Variants in MUC4 observed in about 807,000 individuals in gnomAD.
MUC4 encodes the protein mucin-4.
A neutral mutation model predicts 257.9 loss-of-function variants in MUC4; 202 were observed. That is an observed-to-expected ratio of 0.78 (90% CI 0.70 to 0.88). The LOEUF is 0.88. Among genes scored for constraint, MUC4 ranks in the 40% least tolerant of loss-of-function variants. The pLI, the probability that MUC4 is intolerant of heterozygous loss-of-function variation, is 0.00. For missense variants in MUC4, 5,976 were observed against 6,513.7 expected, an observed-to-expected ratio of 0.92 and a Z score of 2.84; for synonymous variants, 2,351 against 2,757.1, an observed-to-expected ratio of 0.85 and a Z score of 4.62.
At chr3:195,775,519 ACCTTCCACACCCAT>A in intron 3 of MUC4, among the ~76,000 whole-genome samples, 1 of 133,184 alleles carries the variant, frequency 7.5e-6, no homozygotes, top group Admixed American at 7.2e-5. Context: ...CCACACCCAT[ACCTTCCACACCCAT>A]ACCTTCCACA....
At chr3:195,751,577 G>C (rs1156931921) in intron 21 of MUC4, 1 of 526,164 alleles carries the variant, frequency 1.9e-6, no homozygotes, top group Non-Finnish European at 3.4e-6. Flanking sequence ...CATGACTCAT[G>C]ACCTCCTCCC....
intron 7 of MUC4, among the ~76,000 whole-genome samples, chr3:195,767,792 G>GCCA (rs1330732445): frequency 1.2e-4 from 4 of 32,882 alleles, no homozygotes; most frequent in South Asian, 1.0e-3. Flanking sequence ...CACCATCATT[G>GCCA]CCACCACCAT....
At chr3:195,750,842 G>GT (rs1481264016) in intron 23 of MUC4, 47 bp downstream of exon 23, 20 of 1,559,076 alleles carry the variant, frequency 1.3e-5, no homozygotes, top group Non-Finnish European at 1.8e-5. Context: ...CTGTTTGCCC[G>GT]CCCCCCGCAG....
chr3:195,809,886 G>A (rs753400081), intron 1 of MUC4: 1 of 152,326 alleles, frequency 6.6e-6, no homozygotes, highest in Non-Finnish European at 1.5e-5. Context: ...CACGGGGCAG[G>A]GCCTGGTCAC....
rs780324169 is a variant in MUC4 at position 195,782,451 on chromosome 3, G to A, written c.9129C>T (p.Val3043=). 6.8e-7 allele frequency: 1 copy of A among 1,473,722 alleles called. No individual in the cohort carries two copies. The highest frequency in any genetic ancestry group is 1.2e-5 in the South Asian group (1 of 80,722). 91.3% of individuals were successfully genotyped at this position (1,473,722 alleles called of 1,614,324 possible). ...CTGTGGATGCTGAGGAAGTGTCGGT[G>A]ACAGGAAGCGGGGTGGCGTGACCGG... is the stretch of plus-strand genomic sequence containing the variant. The part of the protein sequence containing the change: ...ASTGHATPLP[V]TDTSSASTGH... Residue 3043 remains valine, a synonymous_variant, in exon 2 of 25, where the codon GTC becomes GTT. Coordinates refer to ENST00000463781, the MANE Select transcript of MUC4 (RefSeq NM_018406.7).
chr3:195,767,877 T>TCAC (rs1158274748), intron 7 of MUC4, among the ~76,000 whole-genome samples: 10 of 74,798 alleles, frequency 1.3e-4, no homozygotes, highest in Non-Finnish European at 2.6e-4. Flanking sequence ...ACCACCACCA[T>TCAC]CACCACCATC....
At chr3:195,802,144 T>C (rs1735404569) in intron 1 of MUC4, among the ~76,000 whole-genome samples, 1 of 152,218 alleles carries the variant, frequency 6.6e-6, no homozygotes, top group African/African-American at 2.4e-5. Flanking sequence ...AATCTTTCCT[T>C]GCAAGCTTTC....
In MUC4 at chr3:195,791,260, A is replaced by G. The variant is rs766631700; in HGVS notation, c.320T>C (p.Val107Ala). 69 of 485,676 alleles carry G rather than the reference A, an allele frequency of 1.4e-4. No homozygotes were observed. Among genetic ancestry groups the G allele is most frequent in the Middle Eastern group, 5.2e-4 (1 of 1,910 alleles). 30.1% of individuals were successfully genotyped at this position (485,676 alleles called of 1,614,324 possible). Reference sequence around the variant, plus strand: ...AGGAGCTGTCTCCATCACATTGTGTACACTTGGGGAAGAAAAAAGAGTTGA... The same window carrying G: ...AGGAGCTGTCTCCATCACATTGTGTGCACTTGGGGAAGAAAAAAGAGTTGA... Reference protein sequence around the residue: ...MTSTLFSSPSVHNVMETAPPD... With the variant: ...MTSTLFSSPSAHNVMETAPPD... Residue 107 changes from valine (V) to alanine (A), a missense_variant, in exon 2 of 25, where the codon GTA becomes GCA. Coordinates refer to ENST00000463781, the MANE Select transcript of MUC4 (RefSeq NM_018406.7).
At chr3:195,808,662 G>A (rs776575983) in intron 1 of MUC4, among the ~76,000 whole-genome samples, 3 of 152,200 alleles carry the variant, frequency 2.0e-5, no homozygotes, top group African/African-American at 4.8e-5. Flanking sequence ...TGCCAAGGGC[G>A]TCGCTGATGC....
At chr3:195,753,355 C>A (rs530541157) in intron 19 of MUC4, 125 bp from the exon 20 acceptor site, 1 of 885,106 alleles carries the variant, frequency 1.1e-6, no homozygotes, top group Non-Finnish European at 1.7e-6. Flanking sequence ...CACTCGGAAC[C>A]CCAAACCATC....
intron 17 of MUC4, 120 bp downstream of exon 17, chr3:195,759,004 T>A: frequency 3.0e-6 from 4 of 1,339,446 alleles, no homozygotes; most frequent in Non-Finnish European, 3.1e-6. Flanking sequence ...TCCTGGATAT[T>A]CAAATGAAAG....
Position 195,790,806 on chromosome 3 carries a change from C to T in MUC4, c.774G>A (p.Met258Ile). 1 of 1,613,636 alleles carries T rather than the reference C, an allele frequency of 6.2e-7. No individual in the cohort carries two copies. The highest frequency in any genetic ancestry group is 8.5e-7 in the Non-Finnish European group (1 of 1,179,836). Residue 258 changes from methionine (M) to isoleucine (I), a missense_variant, in exon 2 of 25, where the codon ATG becomes ATA. Around this residue, in one of 44 missense-constraint regions of MUC4, gnomAD observed 1,583 missense variants for 1,257.4 expected, o/e 1.26. Coordinates refer to ENST00000463781, the MANE Select transcript of MUC4 (RefSeq NM_018406.7). ...TCACTGTTATCTTCTCTGATGTCAT[C>T]ATGGATGTGTTTGTGACACTACAGA... ...SSLCSVTNTSMMTSEKITVTT... is the reference protein window; with the variant it reads ...SSLCSVTNTSIMTSEKITVTT...
chr3:195,776,744 C>G (rs200012138), intron 3 of MUC4, among the ~76,000 whole-genome samples: 8 of 65,136 alleles, frequency 1.2e-4, no homozygotes, highest in Admixed American at 4.1e-4. Context: ...ACCTTCCACA[C>G]CCATACCTTC....
In MUC4 at chr3:195,787,675, G is replaced by GT; in HGVS notation, c.3904_3905insA (p.Pro1302HisfsTer24). 7 of 727,854 alleles carry GT rather than the reference G, an allele frequency of 9.6e-6. No homozygotes were observed. The highest frequency in any genetic ancestry group is 6.7e-5 in the Admixed American group (2 of 29,822). The allele number at this position is 727,854 out of a possible 1,614,324, so 45.1% of individuals were successfully genotyped here. ...GGCGTGACCTGTGGATGCTGAGGAA[G>GT]GGCTGGTGACATGAAGAGGAGTGAC... On this transcript the variant is annotated frameshift_variant, in exon 2 of 25. Coordinates refer to ENST00000463781, the MANE Select transcript of MUC4 (RefSeq NM_018406.7). LOFTEE classifies it high-confidence loss of function.
Position 195,790,680 on chromosome 3 carries a change from A to G in MUC4, c.900T>C (p.Phe300=). Residue 300 remains phenylalanine (F), a synonymous_variant, in exon 2 of 25, where the codon TTT becomes TTC. Transcript: ENST00000463781. ...MPVTSAALVT[F]DPEGQSPATF... is the part of the protein sequence containing the mutation. Reference sequence around the variant, plus strand: ...TTGCTGGTGATTGTCCTTCTGGATCAAATGTTACTAAGGCTGCTGAGGTGA... The same window carrying G: ...TTGCTGGTGATTGTCCTTCTGGATCGAATGTTACTAAGGCTGCTGAGGTGA... 1 of 1,614,006 alleles carries G rather than the reference A, an allele frequency of 6.2e-7. No homozygotes were observed. The highest frequency in any genetic ancestry group is 1.1e-5 in the South Asian group (1 of 91,072).
rs751836342 is a variant in MUC4 at position 195,786,801 on chromosome 3, T to A, written c.4779A>T (p.Ala1593=). Residue 1593 remains alanine (A), a synonymous_variant, in exon 2 of 25, where the codon GCA becomes GCT. Coordinates refer to ENST00000463781, the MANE Select transcript of MUC4 (RefSeq NM_018406.7). ...GAAGAGGGGTGGTGTCACCTTTGGA[T>A]GCTGAGGAAGTGTCGGTGACAGGAA... is the stretch of plus-strand genomic sequence containing the variant. The part of the protein sequence containing the change: ...TPLPVTDTSS[A]SKGDTTPLPV... The A allele has an allele frequency of 2.0e-6, 3 of 1,516,138 alleles. No individual in the cohort carries two copies. The highest frequency in any genetic ancestry group is 2.7e-6 in the Non-Finnish European group (3 of 1,129,060). The allele number at this position is 1,516,138 out of a possible 1,614,324, so 93.9% of individuals were successfully genotyped here. A position where few individuals can be genotyped will look rare whatever the true frequency, so the allele number is the denominator to read the frequency against.
At chr3:195,753,262 G>A (rs376643928) in intron 19 of MUC4, 32 bp from the exon 20 acceptor site, 39 of 1,605,724 alleles carry the variant, frequency 2.4e-5, no homozygotes, top group Admixed American at 3.4e-5. Flanking sequence ...CAGCAGCAGC[G>A]CGCAGGGCAG....
intron 20 of MUC4, 92 bp from the exon 21 acceptor site, chr3:195,752,538 A>C: frequency 1.8e-6 from 2 of 1,096,354 alleles, no homozygotes; most frequent in Non-Finnish European, 2.8e-6. Flanking sequence ...TGACTGCTCC[A>C]TTCCAGTGAC....
Position 195,789,553 on chromosome 3 carries a change from T to C in MUC4, c.2027A>G (p.His676Arg), listed in dbSNP as rs780734789. The part of the protein sequence containing the change: ...TPGSSFTASG[H>R]SPSEIVPQDA... ...CTGAGGAACAATTTCTGAGGGCGAGTGCCCACTGGCTGTGAAGGAAGAACC... is the reference window on the plus strand; with the variant it reads ...CTGAGGAACAATTTCTGAGGGCGAGCGCCCACTGGCTGTGAAGGAAGAACC... The change falls in exon 2 of 25, where the codon CAC becomes CGC. Residue 676 changes from histidine to arginine, a missense_variant. Around this residue, in one of 44 missense-constraint regions of MUC4, gnomAD observed 1,583 missense variants for 1,257.4 expected, o/e 1.26. Coordinates refer to ENST00000463781, the MANE Select transcript of MUC4 (RefSeq NM_018406.7). 4 of 1,613,620 alleles carry C rather than the reference T, an allele frequency of 2.5e-6. No homozygotes were observed. The highest frequency in any genetic ancestry group is 1.7e-5 in the Admixed American group (1 of 59,982).
Sources: gnomAD v4.1 joint callset for allele counts (sites outside exome capture counted in the v4.1 genomes callset) on GRCh38, gnomAD v4.1.1 for gene constraint, gnomAD v4.1.1 regional missense constraint, MANE v1.5 for transcripts, NCBI Gene and HGNC (gene_info 2026-07-23, HGNC 2026-07-21) for gene names.